Variants in DOCK4 observed in about 807,000 individuals in gnomAD.
DOCK4 encodes dedicator of cytokinesis 4, also known as dedicator of cytokinesis protein 4.
DOCK4 carries 97 observed loss-of-function variants against 268.1 expected under a neutral mutation model. The ratio of observed to expected loss-of-function variants is 0.36; its 90% CI spans 0.31 to 0.43. The LOEUF is 0.43. Among genes scored for constraint, DOCK4 ranks in the 20% least tolerant of loss-of-function variants. DOCK4 has a pLI of 1.00. For missense variants in DOCK4, 2,145 were observed against 2,455.7 expected (o/e 0.87, Z 2.67); for synonymous variants, 954 against 887.2 (o/e 1.08, Z -1.34).
intron 1 of DOCK4, among the ~76,000 whole-genome samples, chr7:112,121,765 T>C (rs951584594): frequency 1.3e-5 from 2 of 152,188 alleles, no homozygotes; most frequent in Non-Finnish European, 2.9e-5. Context: ...CTTTCTGGTT[T>C]CCTTTTATTC....
intron 8 of DOCK4, among the ~76,000 whole-genome samples, chr7:111,955,364 AT>A (rs1047532697): frequency 1.3e-5 from 2 of 152,234 alleles, no homozygotes; most frequent in African/African-American, 4.8e-5. Flanking sequence ...TCTTTTAAAA[AT>A]ATTAATGCTC....
rs1335683859 is a variant in DOCK4 at position 112,200,725 on chromosome 7, T to TAAAAAAAAAAAAAA, written c.37+5376_37+5377insTTTTTTTTTTTTTT. Among the ~76,000 whole-genome samples the TAAAAAAAAAAAAAA allele has an allele frequency of 1.3e-4, 13 of 102,726 alleles. 2 individuals are homozygous for TAAAAAAAAAAAAAA. Among genetic ancestry groups the TAAAAAAAAAAAAAA allele is most frequent in the Non-Finnish European group, 2.1e-4 (11 of 51,320 alleles). 67.4% of individuals were successfully genotyped at this position (102,726 alleles called of 152,430 possible). A position where few individuals can be genotyped will look rare whatever the true frequency, so the allele number is the denominator to read the frequency against. ...CTAGCTACCATAACAGCCTCTAAAA[T>TAAAAAAAAAAAAAA]AAAAAAAAAAAAACAAAAAAAAACA... On this transcript the variant is annotated intron_variant, in intron 1 of 52. Transcript: ENST00000428084.
At position 112,023,442 on chromosome 7, in the gene DOCK4, C is replaced by T. The variant is rs566447488; in HGVS notation, c.38-19311G>A. The T allele has an allele frequency of 1.4e-3, 427 of 295,998 alleles. 3 individuals carry two copies. Among genetic ancestry groups the T allele is most frequent in the African/African-American group, 8.9e-3 (408 of 45,600 alleles). 18.3% of individuals were successfully genotyped at this position (295,998 alleles called of 1,614,324 possible). On this transcript the variant is annotated intron_variant, in intron 1 of 52. Coordinates refer to ENST00000428084, the MANE Select transcript of DOCK4 (RefSeq NM_001363540.2). The stretch of plus-strand genomic sequence containing the variant: ...GTAAAGAGCATCCAAGGCAGCCAGA[C>T]AGGGTGACAGAGCACAGTTACACTT...
intron 1 of DOCK4, among the ~76,000 whole-genome samples, chr7:112,050,515 C>T (rs75757971): frequency 0.012 from 1,864 of 152,210 alleles, 39 homozygotes; most frequent in African/African-American, 0.042. Context: ...AATTAGTCTT[C>T]CACATTGGTA....
At chr7:112,095,203 G>A (rs1810008015) in intron 1 of DOCK4, among the ~76,000 whole-genome samples, 1 of 152,126 alleles carries the variant, frequency 6.6e-6, no homozygotes, top group African/African-American at 2.4e-5. Context: ...TTATGAGCAA[G>A]GAGGAGTCAA....
Position 111,741,678 on chromosome 7 carries a change from G to T in DOCK4, c.4798-17C>A. On this transcript the variant is annotated splice_polypyrimidine_tract_variant and intron_variant, in intron 45 of 52. Coordinates refer to ENST00000428084, the MANE Select transcript of DOCK4 (RefSeq NM_001363540.2). ...AGAGAACTCCTAAAGATGTAGTAAAGGAAATATCTCATTACAGTAATGATT... is the reference window on the plus strand; with the variant it reads ...AGAGAACTCCTAAAGATGTAGTAAATGAAATATCTCATTACAGTAATGATT... The T allele has an allele frequency of 6.2e-7, 1 of 1,610,474 alleles. No homozygotes were observed. Among genetic ancestry groups the T allele is most frequent in the South Asian group, 1.1e-5 (1 of 90,074 alleles).
intron 5 of DOCK4, among the ~76,000 whole-genome samples, chr7:111,993,065 C>T (rs1799662788): frequency 6.6e-6 from 1 of 152,172 alleles, no homozygotes; most frequent in South Asian, 2.1e-4. Flanking sequence ...ATAGTGAGTT[C>T]TAAAGCTACC....
At chr7:112,136,285 A>G (rs1814338357) in intron 1 of DOCK4, among the ~76,000 whole-genome samples, 1 of 152,226 alleles carries the variant, frequency 6.6e-6, no homozygotes, top group African/African-American at 2.4e-5. Context: ...ATTATCTTGT[A>G]GATTTTTCTC....
At chr7:112,047,781 C>G (rs1804954245) in intron 1 of DOCK4, among the ~76,000 whole-genome samples, 1 of 152,136 alleles carries the variant, frequency 6.6e-6, no homozygotes, top group South Asian at 2.1e-4. Flanking sequence ...CAGCCTGGAG[C>G]CCCTGGGCTC....
At chr7:112,131,698 G>C in intron 1 of DOCK4, among the ~76,000 whole-genome samples, 1 of 151,980 alleles carries the variant, frequency 6.6e-6, no homozygotes, top group East Asian at 1.9e-4. Context: ...CAAAAATCAT[G>C]TCAGCTAATG....
intron 1 of DOCK4, among the ~76,000 whole-genome samples, chr7:112,019,030 T>C (rs74947312): frequency 0.037 from 5,621 of 152,274 alleles, 305 homozygotes; most frequent in African/African-American, 0.12. Flanking sequence ...GGTGCTCATA[T>C]ACAAAGTGGG....
chr7:112,098,604 TTAAG>T (rs761137522), intron 1 of DOCK4, among the ~76,000 whole-genome samples: 43 of 149,602 alleles, frequency 2.9e-4, no homozygotes, highest in Non-Finnish European at 4.6e-4. Context: ...AATTAAGTAA[TTAAG>T]TAATATTACA....
chr7:111,788,103 T>G (rs548261533), intron 32 of DOCK4, among the ~76,000 whole-genome samples: 3 of 152,206 alleles, frequency 2.0e-5, no homozygotes, highest in Non-Finnish European at 4.4e-5. Context: ...TTCTCTATCT[T>G]CCATACAAAT....
At chr7:111,746,230 G>T in intron 44 of DOCK4, 104 bp downstream of exon 44, 1 of 851,866 alleles carries the variant, frequency 1.2e-6, no homozygotes, top group Non-Finnish European at 1.8e-6. Context: ...TTGCTTGCCA[G>T]CTTCTGTTAG....
At chr7:111,751,619 A>AT (rs1796659240) in intron 42 of DOCK4, among the ~76,000 whole-genome samples, 1 of 152,076 alleles carries the variant, frequency 6.6e-6, no homozygotes, top group Admixed American at 6.5e-5. Flanking sequence ...TACTTTTTGT[A>AT]TTTTTTGTAG....
At position 111,747,302 on chromosome 7, in the gene DOCK4, CA is replaced by C; in HGVS notation, c.4557del (p.Asp1519GlufsTer22). 6.2e-7 allele frequency: 1 copy of C among 1,613,544 alleles called. No homozygotes were observed. Among genetic ancestry groups the C allele is most frequent in the Non-Finnish European group, 8.5e-7 (1 of 1,179,732 alleles). On this transcript the variant is annotated frameshift_variant, in exon 43 of 53. Transcript: ENST00000428084. LOFTEE classifies it high-confidence loss of function. ...PLTMCLNGVI[D>X]AAVNGGVSRY... Reference sequence around the variant, plus strand: ...CTGGAAACGCCACCATTAACTGCAGCATCTATAACTCCATTCAGGCACATAG... The same window carrying C: ...CTGGAAACGCCACCATTAACTGCAGCTCTATAACTCCATTCAGGCACATAG...
chr7:111,814,546 G>T (rs974053442), intron 27 of DOCK4, among the ~76,000 whole-genome samples: 1 of 152,146 alleles, frequency 6.6e-6, no homozygotes, highest in East Asian at 1.9e-4. Context: ...AAGTGCAGAT[G>T]ATCCAGCAAC....
chr7:112,124,028 C>CT (rs36107543), intron 1 of DOCK4, among the ~76,000 whole-genome samples: 1,887 of 144,282 alleles, frequency 0.013, 31 homozygotes, highest in African/African-American at 0.042. Flanking sequence ...AAACTAAAAA[C>CT]TTTTTTTTTT....
chr7:112,116,662 T>G (rs537645406), intron 1 of DOCK4, among the ~76,000 whole-genome samples: 1 of 152,320 alleles, frequency 6.6e-6, no homozygotes, highest in South Asian at 2.1e-4. Flanking sequence ...CAATGAAGAG[T>G]GAAGAGCCTG....
Sources: allele counts gnomAD v4.1 joint callset (sites outside exome capture counted in the v4.1 genomes callset), GRCh38; gene constraint gnomAD v4.1.1; transcripts MANE v1.5; gene names NCBI Gene and HGNC (gene_info 2026-07-23, HGNC 2026-07-21).